Variants in INTS1 observed in about 807,000 individuals in gnomAD.
The protein encoded by INTS1 is integrator complex subunit 1.
INTS1 carries 137 observed loss-of-function variants against 241.6 expected under a neutral mutation model. The observed-to-expected ratio is 0.57, with a 90% CI of 0.49 to 0.65. The LOEUF (loss-of-function observed/expected upper bound fraction) is 0.65, where lower values mean the gene tolerates loss of function less well. Ranked by LOEUF, INTS1 falls within the 30% of genes least tolerant of loss-of-function variation. INTS1 has a pLI of 0.00. For missense variants in INTS1, 3,073 were observed against 3,032.2 expected, an observed-to-expected ratio of 1.01 and a Z score of -0.32; for synonymous variants, 1,692 against 1,337.8, an observed-to-expected ratio of 1.26 and a Z score of -5.78.
chr7:1,493,929 C>G lies in INTS1; in HGVS notation c.1911-18G>C. On this transcript the variant is annotated intron_variant, in intron 14 of 47. Coordinates refer to ENST00000404767, the MANE Select transcript of INTS1 (RefSeq NM_001080453.3). The surrounding 1 kb of genome is among the most constrained non-coding windows in gnomAD (Gnocchi z 5.3). ...GGAAGAAGCTGCGGGGTGGGGGAGG[C>G]ATGACTCGGTGTGGGCTGCCCACAC... 1 of 1,550,512 alleles carries G rather than the reference C, an allele frequency of 6.4e-7. No homozygotes were observed. Among genetic ancestry groups the G allele is most frequent in the African/African-American group, 1.4e-5 (1 of 73,254 alleles).
intron 3 of INTS1, among the ~76,000 whole-genome samples, chr7:1,502,491 G>GC (rs1783235950): frequency 1.3e-5 from 2 of 152,190 alleles, no homozygotes; most frequent in African/African-American, 4.8e-5. Flanking sequence ...TAACCAGGAG[G>GC]GAAGGAGGAA....
rs754444430 is a variant in INTS1 at position 1,473,099 on chromosome 7, C to T, written c.6043G>A (p.Asp2015Asn). The change falls in exon 43 of 48, where the codon GAC becomes AAC. Residue 2015 changes from aspartate (D) to asparagine (N), a missense_variant. Transcript: ENST00000404767. ...TCGCCCTCTTCGTCCAGGCCTCGGT[C>T]GGTCCTGTCGTCCCTGCTGGGCAGG... Reference protein sequence around the residue: ...LSLPSRDDRTDRGLDEEGEEE... With the variant: ...LSLPSRDDRTNRGLDEEGEEE... The T allele has an allele frequency of 3.4e-5, 54 of 1,610,162 alleles. No homozygotes were observed. In the East Asian group the frequency reaches 4.0e-4, roughly 12 times the overall value.
At position 1,473,634 on chromosome 7, in the gene INTS1, G is replaced by A; in HGVS notation, c.5889C>T (p.Ile1963=). ...GGGCATTGTAGGTAATGTACTTATGGATGAACTGCACAAACTTGTTGATGA... is the reference window on the plus strand; with the variant it reads ...GGGCATTGTAGGTAATGTACTTATGAATGAACTGCACAAACTTGTTGATGA... ...AAFINKFVQF[I]HKYITYNAPA... is the part of the protein sequence containing the mutation. Residue 1963 remains isoleucine, a synonymous_variant, in exon 42 of 48, where the codon ATC becomes ATT. Coordinates refer to ENST00000404767, the MANE Select transcript of INTS1 (RefSeq NM_001080453.3). 1 of 1,613,392 alleles carries A rather than the reference G, an allele frequency of 6.2e-7. No homozygotes were observed. The highest frequency in any genetic ancestry group is 8.5e-7 in the Non-Finnish European group (1 of 1,179,782).
chr7:1,470,705 C>A lies in INTS1; in HGVS notation c.6458-13G>T. 6.6e-7 allele frequency: 1 copy of A among 1,526,132 alleles called. No individual in the cohort carries two copies. Among genetic ancestry groups the A allele is most frequent in the Non-Finnish European group, 8.8e-7 (1 of 1,132,884 alleles). 94.5% of individuals were successfully genotyped at this position (1,526,132 alleles called of 1,614,324 possible). A position where few individuals can be genotyped will look rare whatever the true frequency, so the allele number is the denominator to read the frequency against. The stretch of plus-strand genomic sequence containing the variant: ...ACAGCCGCGTGCTCTGTGGGGGAAA[C>A]GGGGCCCTGCACGTCACGCTGGCCA... On this transcript the variant is annotated splice_polypyrimidine_tract_variant and intron_variant, in intron 47 of 47. Transcript: ENST00000404767.
At position 1,480,892 on chromosome 7, in the gene INTS1, C is replaced by T. The variant is rs971460856; in HGVS notation, c.3892G>A (p.Ala1298Thr). The T allele has an allele frequency of 1.5e-5, 24 of 1,560,888 alleles. No homozygotes were observed. Among genetic ancestry groups the T allele is most frequent in the South Asian group, 5.9e-5 (5 of 84,806 alleles). ...GAGTGGAAAGTCTGGCCTCCGGAGG[C>T]GCCGCGCTCATGCTGGACCTCCACC... ...HLVEVQHERGASGGQTFHSLL... is the reference protein window; with the variant it reads ...HLVEVQHERGTSGGQTFHSLL... Residue 1298 changes from alanine (A) to threonine (T), a missense_variant, in exon 29 of 48, where the codon GCC (alanine) becomes ACC (threonine). Transcript: ENST00000404767.
chr7:1,472,240 G>A, intron 44 of INTS1, 33 bp downstream of exon 44: 1 of 1,490,684 alleles, frequency 6.7e-7, no homozygotes, highest in Non-Finnish European at 9.1e-7. Context: ...CCAGGGCGCT[G>A]ACCTGGCGTG....
At chr7:1,477,439 G>T (rs1002953220) in intron 35 of INTS1, 111 bp downstream of exon 35, 59 of 1,243,322 alleles carry the variant, frequency 4.7e-5, no homozygotes, top group Middle Eastern at 5.6e-4. Flanking sequence ...GAGAGCAGGG[G>T]GGGTGCTGGG....
At chr7:1,494,675 T>G in intron 14 of INTS1, 141 bp downstream of exon 14, 2 of 786,234 alleles carry the variant, frequency 2.5e-6, no homozygotes, top group Non-Finnish European at 4.2e-6. Context: ...GCACCCAGGA[T>G]TGTGGAGGAG....
In INTS1 at chr7:1,500,364, G is replaced by A. The variant is rs1045327717; in HGVS notation, c.352C>T (p.Leu118=). The change falls in exon 4 of 48, where the codon CTG becomes TTG. Residue 118 remains leucine, a splice_region_variant and synonymous_variant. Coordinates refer to ENST00000404767, the MANE Select transcript of INTS1 (RefSeq NM_001080453.3). Reference sequence around the variant, plus strand: ...ATCTCATCCAGCAGCACCGTGGGCAGCACTGGCCGGGGCAGGCGGTACGGT... The same window carrying A: ...ATCTCATCCAGCAGCACCGTGGGCAACACTGGCCGGGGCAGGCGGTACGGT... The part of the protein sequence containing the change: ...KEPSVVPIEV[L]PTVLLDEIEA... 1 of 1,567,916 alleles carries A rather than the reference G, an allele frequency of 6.4e-7. No homozygotes were observed. Among genetic ancestry groups the A allele is most frequent in the Non-Finnish European group, 8.7e-7 (1 of 1,154,812 alleles).
rs995245362 is a variant in INTS1, at chr7:1,493,204, G to A, written c.2069-98C>T. The A allele has an allele frequency of 2.2e-5, 20 of 891,306 alleles. No individual in the cohort carries two copies. The highest frequency in any genetic ancestry group is 3.0e-5 in the Non-Finnish European group (17 of 562,220). 55.2% of individuals were successfully genotyped at this position (891,306 alleles called of 1,614,324 possible). On this transcript the variant is annotated intron_variant, in intron 15 of 47. Transcript: ENST00000404767. This position sits in a 1 kb window ranked among gnomAD's most constrained non-coding sequence, Gnocchi z 5.3. Reference sequence around the variant, plus strand: ...CCCTGCTCGGGCCGCGTCGGGGTGGGGTGGGGGATGCCGCAGGGTGGGGCG... The same window carrying A: ...CCCTGCTCGGGCCGCGTCGGGGTGGAGTGGGGGATGCCGCAGGGTGGGGCG...
intron 12 of INTS1, among the ~76,000 whole-genome samples, chr7:1,495,953 G>C (rs1189335034): frequency 2.0e-5 from 3 of 147,724 alleles, no homozygotes; most frequent in African/African-American, 8.0e-5. Flanking sequence ...CATGGGAACA[G>C]GGTCTGAGCC....
intron 16 of INTS1, among the ~76,000 whole-genome samples, chr7:1,492,468 G>A (rs1782603764): frequency 6.6e-6 from 1 of 152,178 alleles, no homozygotes; most frequent in Admixed American, 6.5e-5. Context: ...TGGTGGGAAT[G>A]GGGTTCTCTT....
In INTS1 at chr7:1,487,334, T is replaced by G; in HGVS notation, c.2632A>C (p.Ile878Leu). 6.2e-7 allele frequency: 1 copy of G among 1,601,886 alleles called. No individual in the cohort carries two copies. Among genetic ancestry groups the G allele is most frequent in the Non-Finnish European group, 8.5e-7 (1 of 1,174,682 alleles). The part of the protein sequence containing the change: ...RSRNPDFLLH[I>L]IQRQASSQSM... ...TCGGCACTCACCTGCCGCTGGATGA[T>G]GTGGAGGAGAAAGTCAGGGTTTCGG... Residue 878 changes from isoleucine (I) to leucine (L), a missense_variant, in exon 20 of 48, where the codon ATC becomes CTC. Physicochemically the swap from Ile to Leu is conservative, Grantham distance 5. Coordinates refer to ENST00000404767, the MANE Select transcript of INTS1 (RefSeq NM_001080453.3).
chr7:1,493,659 G>A lies in INTS1; in HGVS notation c.2068+95C>T, dbSNP rs1782700318. The A allele has an allele frequency of 7.0e-7, 1 of 1,432,214 alleles. No individual in the cohort carries two copies. The highest frequency in any genetic ancestry group is 9.2e-7 in the Non-Finnish European group (1 of 1,083,722). 88.7% of individuals were successfully genotyped at this position (1,432,214 alleles called of 1,614,324 possible). ...CAGGACCCAGCTGAAGCGCAGCTTT[G>A]TGGAGCGCCCCAGAGGTGCGTGCCA... On this transcript the variant is annotated intron_variant, in intron 15 of 47. Coordinates refer to ENST00000404767, the MANE Select transcript of INTS1 (RefSeq NM_001080453.3). The surrounding 1 kb of genome is among the most constrained non-coding windows in gnomAD (Gnocchi z 5.3).
Position 1,496,140 on chromosome 7 carries a change from A to T in INTS1, c.1711+16T>A, listed in dbSNP as rs371200949. On this transcript the variant is annotated intron_variant, in intron 12 of 47. Coordinates refer to ENST00000404767, the MANE Select transcript of INTS1 (RefSeq NM_001080453.3). ...GACCCCCACCAAGCAGGGCCAGGCCACCCCCACATCCTTACTCCTCTTTTC... is the reference window on the plus strand; with the variant it reads ...GACCCCCACCAAGCAGGGCCAGGCCTCCCCCACATCCTTACTCCTCTTTTC... 64 of 1,606,230 alleles carry T rather than the reference A, an allele frequency of 4.0e-5. No individual in the cohort carries two copies. In the African/African-American group the frequency reaches 6.7e-4, roughly 17 times the overall value.
In INTS1 at chr7:1,470,870, G is replaced by C; in HGVS notation, c.6433C>G (p.Pro2145Ala). ...CCTTGGCACAGGAGAGCGTACTCAG[G>C]CAGGTTCCGGAGGGCCGTCTGCACC... Reference protein sequence around the residue: ...EVVQTALRNLPEYALLCQEHA... With the variant: ...EVVQTALRNLAEYALLCQEHA... Residue 2145 changes from proline (P) to alanine (A), a missense_variant, in exon 47 of 48, where the codon CCT becomes GCT. Physicochemically the swap from Pro to Ala is conservative, Grantham distance 27. Coordinates refer to ENST00000404767, the MANE Select transcript of INTS1 (RefSeq NM_001080453.3). 6.3e-7 allele frequency: 1 copy of C among 1,593,742 alleles called. No individual in the cohort carries two copies. The highest frequency in any genetic ancestry group is 2.3e-5 in the East Asian group (1 of 43,618).
At chr7:1,491,070 A>G (rs755827686) in intron 16 of INTS1, among the ~76,000 whole-genome samples, 6 of 152,198 alleles carry the variant, frequency 3.9e-5, no homozygotes, top group Non-Finnish European at 5.9e-5. Flanking sequence ...ACCAAACACC[A>G]CACACCAAGT....
chr7:1,489,901 G>A (rs1476622372), intron 16 of INTS1, among the ~76,000 whole-genome samples: 1 of 152,154 alleles, frequency 6.6e-6, no homozygotes, highest in Non-Finnish European at 1.5e-5. Flanking sequence ...CTAAGTCTCT[G>A]TTTCCCATCT....
chr7:1,470,626 G>A lies in INTS1; in HGVS notation c.6524C>T (p.Ala2175Val), dbSNP rs767829945. Residue 2175 changes from alanine (A) to valine (V), a missense_variant, in exon 48 of 48, where the codon GCG becomes GTG. By Grantham distance (64) the Ala-to-Val change is moderately conservative. Transcript: ENST00000404767. ...GATCCTCAGGGCCTCGGAGATCTGC[G>A]CGCTGGGGTCCATCTGGCCGTACAT... ...VGMYGQMDPS[A>V]QISEALRILH... is the part of the protein sequence containing the mutation. 15 of 1,587,870 alleles carry A rather than the reference G, an allele frequency of 9.4e-6. 1 individual carries two copies. Among genetic ancestry groups the A allele is most frequent in the South Asian group, 9.2e-5 (8 of 87,394 alleles).
Sources: gnomAD v4.1 joint callset for allele counts (sites outside exome capture counted in the v4.1 genomes callset) on GRCh38, gnomAD v4.1.1 for gene constraint, Gnocchi (gnomAD v3.1) non-coding constraint, MANE v1.5 for transcripts, NCBI Gene and HGNC (gene_info 2026-07-23, HGNC 2026-07-21) for gene names.